Variants in FUNDC2 observed in about 807,000 individuals in gnomAD.
FUNDC2 encodes the protein FUN14 domain-containing protein 2.
Under a neutral mutation model 15.6 loss-of-function variants are expected in FUNDC2, and 4 were observed. The ratio of observed to expected loss-of-function variants is 0.26; its 90% CI spans 0.13 to 0.59. The LOEUF (loss-of-function observed/expected upper bound fraction) is 0.59, where lower values mean the gene tolerates loss of function less well. Ranked by LOEUF, FUNDC2 falls within the 20% of genes least tolerant of loss-of-function variation. FUNDC2 has a pLI of 0.90. For synonymous variants in FUNDC2, 44 were observed against 56.9 expected (o/e 0.77, Z 1.02); for missense variants, 98 against 149.7 (o/e 0.65, Z 1.80).
intron 3 of FUNDC2, among the ~76,000 whole-genome samples, chrX:155,046,870 G>A (rs1402263774): frequency 8.9e-6 from 1 of 112,387 alleles, no homozygotes; most frequent in East Asian, 2.8e-4. Context: ...GAATTATTAA[G>A]CGGATGTGAT....
intron 2 of FUNDC2, 128 bp downstream of exon 2, chrX:155,033,681 A>C (rs1412702041): frequency 3.6e-6 from 2 of 558,836 alleles, no homozygotes; most frequent in Non-Finnish European, 5.9e-6. Flanking sequence ...AATGTGGAGC[A>C]TGTATCTAAA....
chrX:155,031,662 T>C (rs1382929871), intron 1 of FUNDC2, among the ~76,000 whole-genome samples: 2 of 112,851 alleles, frequency 1.8e-5, no homozygotes, highest in Non-Finnish European at 3.7e-5. Context: ...AAATTTTGTT[T>C]CCTTTATATG....
rs1387995049 is a variant in FUNDC2, at chrX:155,039,582, A to AT, written c.284+6035dup. On this transcript the variant is annotated intron_variant, in intron 2 of 4. Coordinates refer to ENST00000369498, the MANE Select transcript of FUNDC2 (RefSeq NM_023934.4). Reference sequence around the variant, plus strand: ...GTGGATAAACAGTTTGCTTAGGACCATTTTTTGAAGAGACTATCCTTTCCC... The same window carrying AT: ...GTGGATAAACAGTTTGCTTAGGACCATTTTTTTGAAGAGACTATCCTTTCCC... Among the ~76,000 whole-genome samples, 3 of 112,103 alleles carry AT rather than the reference A, an allele frequency of 2.7e-5. No individual in the cohort carries two copies. In the Admixed American group the frequency reaches 2.8e-4, roughly 11 times the overall value.
intron 3 of FUNDC2, chrX:155,050,407 A>G (rs892087165): frequency 1.8e-5 from 2 of 111,768 alleles, no homozygotes; most frequent in Non-Finnish European, 1.9e-5. Context: ...GTCTTCTCCA[A>G]TCTGCACGTC....
Position 155,056,519 on chromosome X carries a change from CTCT to C in FUNDC2, c.*1848_*1850del, listed in dbSNP as rs1379241928. ...AAGTCTCTTAACCTTATAGATCCTC[CTCT>C]ATTTTTTTTTTTTTGCTTGCTATAT... On this transcript the variant is annotated 3_prime_UTR_variant, in exon 5 of 5. Transcript: ENST00000369498. 1 of 93,580 alleles carries C rather than the reference CTCT, an allele frequency of 1.1e-5. No homozygotes were observed. The highest frequency in any genetic ancestry group is 2.1e-5 in the Non-Finnish European group (1 of 48,163). 7.7% of individuals were successfully genotyped at this position (93,580 alleles called of 1,213,427 possible).
Position 155,033,452 on chromosome X carries a change from G to C in FUNDC2, c.183G>C (p.Lys61Asn). The C allele has an allele frequency of 8.3e-7, 1 of 1,211,268 alleles. No individual in the cohort carries two copies. The highest frequency in any genetic ancestry group is 1.1e-6 in the Non-Finnish European group (1 of 894,831). ...CACTGGACCTTGCGGAATTTGCTAA[G>C]AAGCAGCCATGGTGGCGTAAGCTGT... is the stretch of plus-strand genomic sequence containing the variant. ...FESLDLAEFA[K>N]KQPWWRKLFG... The change falls in exon 2 of 5, where the codon AAG (lysine) becomes AAC (asparagine). Residue 61 changes from lysine (K) to asparagine (N), a missense_variant. Coordinates refer to ENST00000369498, the MANE Select transcript of FUNDC2 (RefSeq NM_023934.4).
chrX:155,044,092 A>G (rs1409795709), intron 2 of FUNDC2, among the ~76,000 whole-genome samples: 1 of 112,141 alleles, frequency 8.9e-6, no homozygotes, highest in African/African-American at 3.2e-5. Context: ...AAGAGCCCAT[A>G]TGGTAAATAT....
At chrX:155,047,229 C>T (rs782115642) in intron 3 of FUNDC2, 23 of 310,451 alleles carry the variant, frequency 7.4e-5, no homozygotes, top group Non-Finnish European at 1.0e-4. Context: ...AAAGAGCCAA[C>T]GTGTGCCACT....
chrX:155,044,552 G>A (rs5945280), intron 2 of FUNDC2, among the ~76,000 whole-genome samples: 2 of 111,088 alleles, frequency 1.8e-5, no homozygotes, highest in Non-Finnish European at 3.8e-5. Flanking sequence ...GGGAAAAGAC[G>A]TGAACAGACA....
In FUNDC2 at chrX:155,027,012, C is replaced by T. The variant is rs149249526; in HGVS notation, c.74C>T (p.Ala25Val). ...GCGCGCCACTCCGCGGCCTACCGCG[C>T]AGATCCTCTACGTGTGTCCTCGCGA... ...TTARHSAAYR[A>V]DPLRVSSRDK... The change falls in exon 1 of 5, where the codon GCA (alanine) becomes GTA (valine). Residue 25 changes from alanine (A) to valine (V), a missense_variant. Ala to Val is a moderately conservative substitution (Grantham distance 64). Coordinates refer to ENST00000369498, the MANE Select transcript of FUNDC2 (RefSeq NM_023934.4). 3 of 1,203,411 alleles carry T rather than the reference C, an allele frequency of 2.5e-6. No homozygotes were observed. The highest frequency in any genetic ancestry group is 4.4e-5 in the Admixed American group (2 of 45,649).
At chrX:155,047,932 A>G in intron 3 of FUNDC2, among the ~76,000 whole-genome samples, 1 of 109,423 alleles carries the variant, frequency 9.1e-6, no homozygotes, top group Non-Finnish European at 1.9e-5. Context: ...GACAGGTCAG[A>G]CTCCCTGCAA....
chrX:155,057,550 G>A lies in FUNDC2; in HGVS notation c.*2878G>A, dbSNP rs782748217. The A allele has an allele frequency of 1.2e-4, 13 of 111,486 alleles. No homozygotes were observed. In the East Asian group the frequency reaches 2.8e-3, roughly 24 times the overall value. 9.2% of individuals were successfully genotyped at this position (111,486 alleles called of 1,213,427 possible). A position where few individuals can be genotyped will look rare whatever the true frequency, so the allele number is the denominator to read the frequency against. On this transcript the variant is annotated 3_prime_UTR_variant, in exon 5 of 5. Transcript: ENST00000369498. ...CATCGCCCCCTTGTGGCGGCGACGT[G>A]GTAACACCGCACTCAAGGCTTCCAA...
chrX:155,047,444 T>C (rs782596883), intron 3 of FUNDC2: 4 of 340,599 alleles, frequency 1.2e-5, no homozygotes, highest in African/African-American at 1.1e-4. Flanking sequence ...ATAGGTCAGG[T>C]GAAAATCAAA....
chrX:155,028,058 T>C (rs1437951289), intron 1 of FUNDC2, among the ~76,000 whole-genome samples: 2 of 111,320 alleles, frequency 1.8e-5, no homozygotes, highest in Non-Finnish European at 3.8e-5. Flanking sequence ...ACTGCTCTTA[T>C]AGACTTTTAT....
rs958725094 is a variant in FUNDC2, at chrX:155,058,841, G to A, written c.*4169G>A. The A allele has an allele frequency of 1.6e-4, 18 of 110,685 alleles. No homozygotes were observed. The highest frequency in any genetic ancestry group is 1.1e-4 in the Non-Finnish European group (6 of 52,909). The allele number at this position is 110,685 out of a possible 1,213,427, so 9.1% of individuals were successfully genotyped here. A position where few individuals can be genotyped will look rare whatever the true frequency, so the allele number is the denominator to read the frequency against. On this transcript the variant is annotated 3_prime_UTR_variant, in exon 5 of 5. Transcript: ENST00000369498. The stretch of plus-strand genomic sequence containing the variant: ...TAATACTTTTTTTTTTAAAAGAAAA[G>A]TGTCGCACTTTTTCACATTTTTATA...
intron 3 of FUNDC2, chrX:155,047,541 T>C (rs2073866387): frequency 3.2e-6 from 1 of 311,838 alleles, no homozygotes; most frequent in Non-Finnish European, 6.4e-6. Context: ...CCTAATGGCT[T>C]CAAATAATGA....
intron 2 of FUNDC2, among the ~76,000 whole-genome samples, chrX:155,036,246 G>A (rs781844520): frequency 3.6e-5 from 4 of 111,910 alleles, no homozygotes; most frequent in East Asian, 2.8e-4. Flanking sequence ...TTGAATTTGC[G>A]TTTCTCTAAT....
At chrX:155,044,055 A>G (rs2073855242) in intron 2 of FUNDC2, among the ~76,000 whole-genome samples, 1 of 111,905 alleles carries the variant, frequency 8.9e-6, no homozygotes, top group Non-Finnish European at 1.9e-5. Context: ...TACATTTTAG[A>G]GCAGGGGTCA....
intron 4 of FUNDC2, chrX:155,053,967 C>T (rs2073886156): frequency 1.3e-6 from 1 of 751,544 alleles, no homozygotes; most frequent in African/African-American, 2.3e-5. Context: ...CACTGAGTCT[C>T]AGATGACCGG....
Sources: gnomAD v4.1 joint callset for allele counts (sites outside exome capture counted in the v4.1 genomes callset) on GRCh38, gnomAD v4.1.1 for gene constraint, MANE v1.5 for transcripts, NCBI Gene and HGNC (gene_info 2026-07-23, HGNC 2026-07-21) for gene names.